Variants in IGF2R observed in about 807,000 individuals in gnomAD.
The protein encoded by IGF2R is insulin like growth factor 2 receptor.
In IGF2R, 91 loss-of-function variants were observed where a neutral mutation model predicts 270.6. The ratio of observed to expected loss-of-function variants is 0.34; its 90% CI spans 0.28 to 0.40. IGF2R has a LOEUF of 0.40. Ranked by LOEUF, IGF2R falls within the 10% of genes least tolerant of loss-of-function variation. The pLI is 1.00. For synonymous variants in IGF2R, 1,316 were observed against 1,258.9 expected (o/e 1.05, Z -0.96); for missense variants, 2,805 against 3,188.3 (o/e 0.88, Z 2.90).
At chr6:160,061,700 G>T (rs1778442506) in intron 24 of IGF2R, 53 bp from the exon 25 acceptor site, 1 of 1,613,270 alleles carries the variant, frequency 6.2e-7, no homozygotes, top group African/African-American at 1.3e-5. Context: ...TAGAGCATTT[G>T]ACTCAAGGTC....
chr6:160,041,482 G>A (rs1777945009), intron 11 of IGF2R, among the ~76,000 whole-genome samples: 2 of 152,158 alleles, frequency 1.3e-5, no homozygotes, highest in Admixed American at 1.3e-4. Flanking sequence ...GCCTGTTTAG[G>A]GTTGGGGGTG....
In IGF2R at chr6:160,102,489, C is replaced by T; in HGVS notation, c.6843-30C>T. 6.2e-7 allele frequency: 1 copy of T among 1,601,544 alleles called. No homozygotes were observed. The highest frequency in any genetic ancestry group is 8.5e-7 in the Non-Finnish European group (1 of 1,172,452). On this transcript the variant is annotated intron_variant, in intron 45 of 47. Transcript: ENST00000356956. This position sits in a 1 kb window ranked among gnomAD's most constrained non-coding sequence, Gnocchi z 4.5. Reference sequence around the variant, plus strand: ...CTGTGGCAGCAGGACCACCCTGTGACACGGCTCCTTTTCTGTGACGTCCTT... The same window carrying T: ...CTGTGGCAGCAGGACCACCCTGTGATACGGCTCCTTTTCTGTGACGTCCTT...
At chr6:160,019,827 A>G (rs1438771831) in intron 4 of IGF2R, among the ~76,000 whole-genome samples, 1 of 152,232 alleles carries the variant, frequency 6.6e-6, no homozygotes, top group Non-Finnish European at 1.5e-5. Flanking sequence ...TAAAAGGCAT[A>G]TACGACAGAA....
At chr6:160,070,996 G>T (rs73781832) in intron 31 of IGF2R, among the ~76,000 whole-genome samples, 2,924 of 152,302 alleles carry the variant, frequency 0.019, 96 homozygotes, top group African/African-American at 0.067. Context: ...CCCCACATGT[G>T]GGGGGCAAAG....
Position 160,089,259 on chromosome 6 carries a change from T to C in IGF2R, c.6467+6T>C. ...CTCGGAGATATTTATTTTAAGTAAG[T>C]AAAACGTTTTCCTTCTGAGCTGTGA... On this transcript the variant is annotated splice_donor_region_variant and intron_variant, in intron 43 of 47. Transcript: ENST00000356956. The C allele has an allele frequency of 1.9e-6, 3 of 1,602,872 alleles. No homozygotes were observed. The highest frequency in any genetic ancestry group is 1.7e-6 in the Non-Finnish European group (2 of 1,172,368).
rs1562337228 is a variant in IGF2R at position 159,998,310 on chromosome 6, C to T, written c.289+6987C>T. 6.6e-6 allele frequency among the ~76,000 whole-genome samples: 1 copy of T among 152,194 alleles called. No individual in the cohort carries two copies. Among genetic ancestry groups the T allele is most frequent in the Non-Finnish European group, 1.5e-5 (1 of 68,044 alleles). On this transcript the variant is annotated intron_variant, in intron 2 of 47. Transcript: ENST00000356956. The surrounding 1 kb of genome is among the most constrained non-coding windows in gnomAD (Gnocchi z 4.1). ...ATGGTATAGTGTAATACCACATAGA[C>T]TGATGCCAGATGGAGGCAACTTACT...
rs779046654 is a variant in IGF2R, at chr6:160,073,300, A to G, written c.4778A>G (p.Lys1593Arg). 12 of 1,614,152 alleles carry G rather than the reference A, an allele frequency of 7.4e-6. No homozygotes were observed. The East Asian group carries it at 2.7e-4, about 36-fold the overall frequency. ...YVDQVLQLVY[K>R]DGSPCPSKSG... ...GACCAGGTCCTGCAGCTGGTGTACA[A>G]GGATGGGTCCCCTTGTCCCTCCAAA... Residue 1593 changes from lysine to arginine, a missense_variant, in exon 34 of 48, where the codon AAG becomes AGG. Around this residue, in one of 2 missense-constraint regions of IGF2R, gnomAD observed 1,851 missense variants for 2,207.2 expected, o/e 0.84. Transcript: ENST00000356956.
chr6:159,975,258 T>G (rs1189660989), intron 1 of IGF2R, among the ~76,000 whole-genome samples: 1 of 152,192 alleles, frequency 6.6e-6, no homozygotes, highest in Admixed American at 6.5e-5. Context: ...AGGAAAACAC[T>G]GATGATTAGC....
At chr6:160,017,921 A>C (rs1043770841) in intron 4 of IGF2R, among the ~76,000 whole-genome samples, 3 of 152,184 alleles carry the variant, frequency 2.0e-5, no homozygotes, top group Non-Finnish European at 2.9e-5. Flanking sequence ...AAGTATAAAC[A>C]CTCTTATAAA....
intron 45 of IGF2R, among the ~76,000 whole-genome samples, chr6:160,099,571 G>C (rs1583307171): frequency 6.6e-6 from 1 of 152,250 alleles, no homozygotes; most frequent in East Asian, 1.9e-4. Flanking sequence ...GTTTCACCGT[G>C]TTAGCCAGGT....
chr6:160,063,382 C>T (rs1268003400), intron 26 of IGF2R, 33 bp from the exon 27 acceptor site: 1 of 1,504,874 alleles, frequency 6.6e-7, no homozygotes, highest in Non-Finnish European at 9.2e-7. Flanking sequence ...TGTGTGGTTG[C>T]AGTTGCCCTT....
At chr6:159,994,129 C>T (rs114212780) in intron 2 of IGF2R, among the ~76,000 whole-genome samples, 1 of 150,550 alleles carries the variant, frequency 6.6e-6, no homozygotes, top group East Asian at 2.0e-4. Flanking sequence ...GATTCAATCT[C>T]ACTCCTTTTT....
chr6:159,976,513 C>T (rs1257534413), intron 1 of IGF2R, among the ~76,000 whole-genome samples: 1 of 152,064 alleles, frequency 6.6e-6, no homozygotes, highest in African/African-American at 2.4e-5. Flanking sequence ...GTAACTTCTA[C>T]ATCATTTTTC....
At chr6:159,986,304 T>C (rs1783883097) in intron 1 of IGF2R, among the ~76,000 whole-genome samples, 1 of 151,200 alleles carries the variant, frequency 6.6e-6, no homozygotes, top group East Asian at 1.9e-4. Context: ...CGATCTCGGC[T>C]CACTGCAACC....
At chr6:159,977,116 C>A (rs1305536418) in intron 1 of IGF2R, among the ~76,000 whole-genome samples, 3 of 152,204 alleles carry the variant, frequency 2.0e-5, no homozygotes, top group African/African-American at 7.2e-5. Context: ...GATGTGTAGT[C>A]ACAGCTGCCT....
At chr6:159,979,971 C>G (rs1583238795) in intron 1 of IGF2R, among the ~76,000 whole-genome samples, 2 of 152,064 alleles carry the variant, frequency 1.3e-5, no homozygotes, top group Non-Finnish European at 2.9e-5. Context: ...GCGGGTGGAT[C>G]ACGAGGTCAG....
intron 44 of IGF2R, chr6:160,093,531 C>A (rs940069875): frequency 1.6e-6 from 1 of 606,954 alleles, no homozygotes; most frequent in Non-Finnish European, 3.1e-6. Context: ...GTTCAGCAAC[C>A]TGGACAAAGG....
In IGF2R at chr6:159,969,274, C is replaced by G. The variant is rs1451748083; in HGVS notation, c.28C>G (p.His10Asp). 4 of 1,152,070 alleles carry G rather than the reference C, an allele frequency of 3.5e-6. No individual in the cohort carries two copies. The highest frequency in any genetic ancestry group is 4.3e-5 in the East Asian group (1 of 23,062). 71.4% of individuals were successfully genotyped at this position (1,152,070 alleles called of 1,614,324 possible). A position where few individuals can be genotyped will look rare whatever the true frequency, so the allele number is the denominator to read the frequency against. ...GGGGGCCGCCGCCGGCCGGAGCCCC[C>G]ACCTGGGGCCCGCGCCCGCCCGCCG... MGAAAGRSPHLGPAPARRPQ... is the reference protein window; with the variant it reads MGAAAGRSPDLGPAPARRPQ... Residue 10 changes from histidine to aspartate, a missense_variant, in exon 1 of 48, where the codon CAC (histidine) becomes GAC (aspartate). Physicochemically the swap from His to Asp is moderately conservative, Grantham distance 81. Around this residue, in one of 2 missense-constraint regions of IGF2R, gnomAD observed 954 missense variants for 981.1 expected, o/e 0.97. Coordinates refer to ENST00000356956, the MANE Select transcript of IGF2R (RefSeq NM_000876.4).
At chr6:160,072,339 TC>T (rs8191883) in intron 32 of IGF2R, among the ~76,000 whole-genome samples, 2,015 of 152,292 alleles carry the variant, frequency 0.013, 52 homozygotes, top group African/African-American at 0.046. Flanking sequence ...CTCTAGGCTC[TC>T]CAGGGCAGGT....
Sources: gnomAD v4.1 joint callset for allele counts (sites outside exome capture counted in the v4.1 genomes callset) on GRCh38, gnomAD v4.1.1 for gene constraint, gnomAD v4.1.1 regional missense constraint, Gnocchi (gnomAD v3.1) non-coding constraint, MANE v1.5 for transcripts, NCBI Gene and HGNC (gene_info 2026-07-23, HGNC 2026-07-21) for gene names.